SHISA9: variants seen among roughly 807,000 people sequenced by gnomAD.
The protein encoded by SHISA9 is protein shisa-9.
SHISA9 carries 13 observed loss-of-function variants against 38.0 expected under a neutral mutation model. The observed-to-expected ratio is 0.34, with a 90% CI of 0.22 to 0.54. SHISA9 has a LOEUF of 0.54. Among genes scored for constraint, SHISA9 ranks in the 20% least tolerant of loss-of-function variants. The pLI, the probability that SHISA9 is intolerant of heterozygous loss-of-function variation, is 0.91. For missense variants in SHISA9, 538 were observed against 575.8 expected, an observed-to-expected ratio of 0.93 and a Z score of 0.67; for synonymous variants, 275 against 242.0, an observed-to-expected ratio of 1.14 and a Z score of -1.27.
At chr16:13,478,911 G>A in the SHISA9 span, among the ~76,000 whole-genome samples, 3 of 152,166 alleles carry the variant, frequency 2.0e-5, no homozygotes, top group African/African-American at 7.2e-5. Context: ...GTTTCTGCAG[G>A]TAACACATTG....
chr16:13,087,807 C>A (rs1596639588), intron 2 of SHISA9, among the ~76,000 whole-genome samples: 1 of 152,224 alleles, frequency 6.6e-6, no homozygotes, highest in African/African-American at 2.4e-5. Flanking sequence ...GTTTCTTTTG[C>A]TGTGCAGAAG....
At chr16:13,101,686 T>A (rs943717200) in intron 2 of SHISA9, among the ~76,000 whole-genome samples, 1 of 152,214 alleles carries the variant, frequency 6.6e-6, no homozygotes, top group African/African-American at 2.4e-5. Context: ...ATTTCTAATT[T>A]TTTGAGGGAC....
At chr16:13,291,983 T>C in the SHISA9 span, among the ~76,000 whole-genome samples, 1 of 151,994 alleles carries the variant, frequency 6.6e-6, no homozygotes, top group South Asian at 2.1e-4. Flanking sequence ...TCCCTTTCTT[T>C]GGATTTCATA....
rs1164191661 is a variant in SHISA9 at position 13,237,573 on chromosome 16, G to A, written c.*2164G>A. ...AACTACTCGAGAGGCTGAGGCAGGA[G>A]AATCGCTTAAACTTGGGAGGTTGCA... On this transcript the variant is annotated 3_prime_UTR_variant, in exon 5 of 5. Coordinates refer to ENST00000558583, the MANE Select transcript of SHISA9 (RefSeq NM_001145204.3). 6 of 145,144 alleles carry A rather than the reference G, an allele frequency of 4.1e-5. No individual in the cohort carries two copies. Among genetic ancestry groups the A allele is most frequent in the Non-Finnish European group, 7.4e-5 (5 of 67,252 alleles). 9.0% of individuals were successfully genotyped at this position (145,144 alleles called of 1,614,324 possible).
chr16:13,341,091 G>A, the SHISA9 span, among the ~76,000 whole-genome samples: 2 of 152,152 alleles, frequency 1.3e-5, no homozygotes, highest in Non-Finnish European at 2.9e-5. Flanking sequence ...GCTCCACTGG[G>A]AAGGATCCAT....
At chr16:13,469,409 G>GA in the SHISA9 span, among the ~76,000 whole-genome samples, 1 of 124,504 alleles carries the variant, frequency 8.0e-6, no homozygotes, top group African/African-American at 3.2e-5. Flanking sequence ...AAGAAAGAAA[G>GA]AAAGAAAGAA....
chr16:13,261,374 T>A, the SHISA9 span, among the ~76,000 whole-genome samples: 1 of 152,180 alleles, frequency 6.6e-6, no homozygotes, highest in Non-Finnish European at 1.5e-5. Context: ...ATGGATATCA[T>A]GATTTTGATG....
At chr16:13,213,423 C>G (rs1367150986) in intron 4 of SHISA9, 123 bp downstream of exon 4, 4 of 835,720 alleles carry the variant, frequency 4.8e-6, no homozygotes, top group Non-Finnish European at 7.6e-6. Context: ...CATAGGGTGG[C>G]ATCTGCAAGT....
chr16:13,424,489 G>A, the SHISA9 span, among the ~76,000 whole-genome samples: 1 of 152,182 alleles, frequency 6.6e-6, no homozygotes, highest in African/African-American at 2.4e-5. Flanking sequence ...CAGTAAGATT[G>A]GGAGAGGAAA....
the SHISA9 span, among the ~76,000 whole-genome samples, chr16:13,382,768 G>A: frequency 6.6e-6 from 1 of 151,990 alleles, no homozygotes; most frequent in Non-Finnish European, 1.5e-5. Flanking sequence ...TGAGGCAGGA[G>A]AATTGCTTGA....
the SHISA9 span, among the ~76,000 whole-genome samples, chr16:13,478,241 GT>G: frequency 6.6e-6 from 1 of 152,116 alleles, no homozygotes; most frequent in East Asian, 1.9e-4. Context: ...GCATCCTCCT[GT>G]TTCTTATGCT....
At chr16:12,991,077 T>C (rs946285934) in intron 2 of SHISA9, among the ~76,000 whole-genome samples, 40 of 152,354 alleles carry the variant, frequency 2.6e-4, no homozygotes, top group African/African-American at 9.1e-4. Context: ...ATAAAAACCC[T>C]CTGCTCTCTT....
chr16:12,969,708 T>C, intron 2 of SHISA9, among the ~76,000 whole-genome samples: 1 of 152,022 alleles, frequency 6.6e-6, no homozygotes, highest in East Asian at 1.9e-4. Flanking sequence ...GAGCGTGCCA[T>C]TGCACTCTAG....
chr16:12,960,463 A>G (rs1393617711), intron 2 of SHISA9, among the ~76,000 whole-genome samples: 1 of 152,208 alleles, frequency 6.6e-6, no homozygotes, highest in Non-Finnish European at 1.5e-5. Flanking sequence ...AGATACGTGC[A>G]CACATATGTT....
the SHISA9 span, among the ~76,000 whole-genome samples, chr16:13,372,942 T>G: frequency 6.6e-6 from 1 of 152,042 alleles, no homozygotes; most frequent in African/African-American, 2.4e-5. Flanking sequence ...ATGTACCTCA[T>G]AAATATTTAA....
chr16:13,429,055 C>G, the SHISA9 span, among the ~76,000 whole-genome samples: 1 of 152,154 alleles, frequency 6.6e-6, no homozygotes, highest in African/African-American at 2.4e-5. Flanking sequence ...GCGTGAGCCA[C>G]CAAACCCAGC....
the SHISA9 span, among the ~76,000 whole-genome samples, chr16:13,248,441 G>A: frequency 6.6e-6 from 1 of 152,164 alleles, no homozygotes; most frequent in Non-Finnish European, 1.5e-5. Context: ...AATAAAGAGA[G>A]GCACTGCATG....
intron 2 of SHISA9, among the ~76,000 whole-genome samples, chr16:13,109,891 C>G (rs1175433895): frequency 1.3e-5 from 2 of 152,174 alleles, no homozygotes; most frequent in African/African-American, 4.8e-5. Context: ...ATAGACCACT[C>G]CATTCACACA....
intron 2 of SHISA9, among the ~76,000 whole-genome samples, chr16:13,118,090 G>A (rs2141974448): frequency 6.6e-6 from 1 of 151,920 alleles, no homozygotes; most frequent in South Asian, 2.1e-4. Context: ...GCTGAGGCAG[G>A]AGAATGGCTT....
Sources: allele counts gnomAD v4.1 joint callset (sites outside exome capture counted in the v4.1 genomes callset), GRCh38; gene constraint gnomAD v4.1.1; transcripts MANE v1.5; gene names NCBI Gene and HGNC (gene_info 2026-07-23, HGNC 2026-07-21).